NELL1: variants seen among roughly 807,000 people sequenced by gnomAD.
The protein encoded by NELL1 is neural EGFL like 1, also known as protein kinase C-binding protein NELL1.
Under a neutral mutation model 107.4 loss-of-function variants are expected in NELL1, and 76 were observed. That is an observed-to-expected ratio of 0.71 (90% CI 0.59 to 0.86). The LOEUF is 0.86. Ranked by LOEUF, NELL1 falls within the 40% of genes least tolerant of loss-of-function variation. NELL1 has a pLI of 0.00. For synonymous variants in NELL1, 353 were observed against 341.2 expected (o/e 1.03, Z -0.38); for missense variants, 1,024 against 1,005.5 (o/e 1.02, Z -0.25).
At chr11:21,119,726 G>C (rs934846666) in intron 13 of NELL1, among the ~76,000 whole-genome samples, 6 of 152,026 alleles carry the variant, frequency 3.9e-5, no homozygotes, top group African/African-American at 1.2e-4. Flanking sequence ...AACTGGAAGA[G>C]GTCCCTGAAA....
rs997433806 is a variant in NELL1 at position 21,166,131 on chromosome 11, G to A, written c.1426+52417G>A. Among the ~76,000 whole-genome samples the A allele has an allele frequency of 7.3e-5, 11 of 151,722 alleles. 1 individual carries two copies. Among genetic ancestry groups the A allele is most frequent in the African/African-American group, 2.4e-4 (10 of 41,098 alleles). On this transcript the variant is annotated intron_variant, in intron 13 of 19. Coordinates refer to ENST00000357134, the MANE Select transcript of NELL1 (RefSeq NM_006157.5). Reference sequence around the variant, plus strand: ...AAGTGAAATAAGTCAGGCACAGAAAGACAAACATGACATATTCTCACTAAT... The same window carrying A: ...AAGTGAAATAAGTCAGGCACAGAAAAACAAACATGACATATTCTCACTAAT...
chr11:20,938,790 T>C (rs1850780569), intron 10 of NELL1, among the ~76,000 whole-genome samples: 1 of 152,148 alleles, frequency 6.6e-6, no homozygotes, highest in Admixed American at 6.5e-5. Flanking sequence ...CTAGAGCTCA[T>C]GTGGGAGAGT....
chr11:21,350,843 A>C (rs566531721), intron 14 of NELL1, among the ~76,000 whole-genome samples: 1 of 152,292 alleles, frequency 6.6e-6, no homozygotes, highest in African/African-American at 2.4e-5. Flanking sequence ...GGAGGAATAC[A>C]GGAGGGACTC....
rs185836251 is a variant in NELL1 at position 21,202,435 on chromosome 11, G to A, written c.1427-26897G>A. On this transcript the variant is annotated intron_variant, in intron 13 of 19. Coordinates refer to ENST00000357134, the MANE Select transcript of NELL1 (RefSeq NM_006157.5). ...CATAGAGGTGTTTATAGTATTCTCT[G>A]ATGGTAGACTGTATTTCTGTGGGAT... Among the ~76,000 whole-genome samples, 135 of 152,292 alleles carry A rather than the reference G, an allele frequency of 8.9e-4. 1 individual carries two copies. Among genetic ancestry groups the A allele is most frequent in the Admixed American group, 1.8e-3 (28 of 15,296 alleles).
intron 15 of NELL1, among the ~76,000 whole-genome samples, chr11:21,411,847 G>T (rs1590912162): frequency 6.6e-6 from 1 of 152,222 alleles, no homozygotes; most frequent in Admixed American, 6.5e-5. Flanking sequence ...GAATAAGTCA[G>T]ACAGTGCCTT....
chr11:21,031,438 G>A (rs1017617868), intron 12 of NELL1, among the ~76,000 whole-genome samples: 5 of 152,198 alleles, frequency 3.3e-5, no homozygotes, highest in African/African-American at 4.8e-5. Flanking sequence ...TGCACTGTAA[G>A]AAATTGTATC....
intron 13 of NELL1, among the ~76,000 whole-genome samples, chr11:21,220,113 G>A (rs1380730684): frequency 6.6e-6 from 1 of 151,642 alleles, no homozygotes; most frequent in Non-Finnish European, 1.5e-5. Flanking sequence ...CAACACTGAG[G>A]TTTACAATTC....
At chr11:21,028,325 C>T (rs1852869350) in intron 12 of NELL1, among the ~76,000 whole-genome samples, 1 of 152,132 alleles carries the variant, frequency 6.6e-6, no homozygotes, top group Non-Finnish European at 1.5e-5. Context: ...CACCTCTGGG[C>T]TGGGTGGGAA....
chr11:20,838,550 T>C (rs962268426), intron 3 of NELL1, among the ~76,000 whole-genome samples: 2 of 151,864 alleles, frequency 1.3e-5, no homozygotes, highest in Non-Finnish European at 2.9e-5. Flanking sequence ...TACAAATACA[T>C]GGGACGCCAA....
At chr11:21,252,037 AC>A (rs376820863) in intron 14 of NELL1, among the ~76,000 whole-genome samples, 54 of 152,278 alleles carry the variant, frequency 3.5e-4, no homozygotes, top group African/African-American at 1.3e-3. Flanking sequence ...TACACGCAAG[AC>A]TGTGTCACAT....
intron 12 of NELL1, among the ~76,000 whole-genome samples, chr11:20,989,123 T>C (rs1418876736): frequency 1.3e-5 from 2 of 152,192 alleles, no homozygotes; most frequent in East Asian, 1.9e-4. Flanking sequence ...GTGGCAGAGT[T>C]GGGTACAAAT....
chr11:21,532,304 T>A lies in NELL1; in HGVS notation c.1646-2070T>A, dbSNP rs1426541181. ...TACAGATAACTTCTGCCCTGCTGAA[T>A]CATGGAAACTCCTTATCGTTTCATT... is the stretch of plus-strand genomic sequence containing the variant. On this transcript the variant is annotated intron_variant, in intron 15 of 19. Transcript: ENST00000357134. Among the ~76,000 whole-genome samples, 5 of 152,206 alleles carry A rather than the reference T, an allele frequency of 3.3e-5. No homozygotes were observed. The East Asian group carries it at 7.7e-4, about 23-fold the overall frequency.
At chr11:21,011,589 G>C (rs1852448099) in intron 12 of NELL1, among the ~76,000 whole-genome samples, 1 of 152,136 alleles carries the variant, frequency 6.6e-6, no homozygotes, top group South Asian at 2.1e-4. Context: ...CTCTGGAGCT[G>C]AAGTGGACCC....
chr11:21,408,976 G>T (rs199895425), intron 15 of NELL1, among the ~76,000 whole-genome samples: 28 of 150,632 alleles, frequency 1.9e-4, no homozygotes, highest in Non-Finnish European at 2.4e-4. Context: ...CATTTACACT[G>T]TTGGTGGGAC....
chr11:21,170,080 G>T, intron 13 of NELL1: 1 of 1,035,664 alleles, frequency 9.7e-7, no homozygotes, highest in Non-Finnish European at 1.5e-6. Context: ...TGGAGTCCAA[G>T]TTCTTTGAAC....
At chr11:21,339,173 T>A (rs913110112) in intron 14 of NELL1, among the ~76,000 whole-genome samples, 1 of 152,196 alleles carries the variant, frequency 6.6e-6, no homozygotes, top group Non-Finnish European at 1.5e-5. Flanking sequence ...TAACTGCAGA[T>A]GTAATTAAGT....
intron 14 of NELL1, among the ~76,000 whole-genome samples, chr11:21,315,484 G>A (rs570799252): frequency 1.2e-3 from 181 of 152,266 alleles, no homozygotes; most frequent in Non-Finnish European, 2.2e-3. Context: ...ATTGGATGTG[G>A]CAAACAAGCC....
chr11:21,397,200 CTT>C (rs1040891585), intron 15 of NELL1, among the ~76,000 whole-genome samples: 1 of 151,256 alleles, frequency 6.6e-6, no homozygotes, highest in Non-Finnish European at 1.5e-5. Flanking sequence ...ACTATGCTAA[CTT>C]TTTATTGCCA....
chr11:21,505,646 C>T (rs1235892910), intron 15 of NELL1, among the ~76,000 whole-genome samples: 1 of 152,154 alleles, frequency 6.6e-6, no homozygotes, highest in Non-Finnish European at 1.5e-5. Flanking sequence ...TTAGCTTTGT[C>T]TGATAAAATT....
Sources: gnomAD v4.1 joint callset for allele counts (sites outside exome capture counted in the v4.1 genomes callset) on GRCh38, gnomAD v4.1.1 for gene constraint, MANE v1.5 for transcripts, NCBI Gene and HGNC (gene_info 2026-07-23, HGNC 2026-07-21) for gene names.